TBC1D9: variants seen among roughly 807,000 people sequenced by gnomAD.
TBC1D9 encodes the protein TBC1 domain family member 9A.
TBC1D9 carries 63 observed loss-of-function variants against 132.0 expected under a neutral mutation model. The observed-to-expected ratio is 0.48, with a 90% confidence interval of 0.39 to 0.59. The LOEUF (loss-of-function observed/expected upper bound fraction) is 0.59, where lower values mean the gene tolerates loss of function less well. Among genes scored for constraint, TBC1D9 ranks in the 20% least tolerant of loss-of-function variants. The pLI is 0.00. For missense variants in TBC1D9, 1,261 were observed against 1,592.7 expected (o/e 0.79, Z 3.54); for synonymous variants, 610 against 609.9 (o/e 1.00, Z 0.00).
chr4:140,747,621 G>C (rs1738858552), intron 1 of TBC1D9, among the ~76,000 whole-genome samples: 1 of 152,156 alleles, frequency 6.6e-6, no homozygotes, highest in African/African-American at 2.4e-5. Flanking sequence ...CAGGCTCCAA[G>C]GGGGAGAGCT....
At chr4:140,726,177 TA>T (rs1403320252) in intron 1 of TBC1D9, among the ~76,000 whole-genome samples, 1 of 151,914 alleles carries the variant, frequency 6.6e-6, no homozygotes, top group Admixed American at 6.6e-5. Context: ...TAATCCCAGC[TA>T]CTTGGGAAGC....
chr4:140,748,159 G>A (rs1738865970), intron 1 of TBC1D9, among the ~76,000 whole-genome samples: 1 of 151,956 alleles, frequency 6.6e-6, no homozygotes, highest in Admixed American at 6.6e-5. Context: ...GCTCAAAAGA[G>A]ACAAAAAATA....
At chr4:140,711,121 C>G (rs1738236785) in intron 1 of TBC1D9, among the ~76,000 whole-genome samples, 1 of 152,200 alleles carries the variant, frequency 6.6e-6, no homozygotes. Flanking sequence ...CTTGTGTGAT[C>G]TAATTCCTCA....
intron 1 of TBC1D9, among the ~76,000 whole-genome samples, chr4:140,720,059 A>G (rs1255636190): frequency 6.6e-6 from 1 of 152,228 alleles, no homozygotes; most frequent in African/African-American, 2.4e-5. Flanking sequence ...GAAATATTGC[A>G]CATGAACCAA....
At chr4:140,661,564 T>A (rs1737361829) in intron 10 of TBC1D9, among the ~76,000 whole-genome samples, 1 of 152,180 alleles carries the variant, frequency 6.6e-6, no homozygotes. Flanking sequence ...CAGGAAGGTC[T>A]CCTCCATTCA....
At chr4:140,686,591 G>T in intron 2 of TBC1D9, 129 bp from the exon 3 acceptor site, 1 of 601,686 alleles carries the variant, frequency 1.7e-6, no homozygotes. Flanking sequence ...GCCTTTAAAT[G>T]CTTTCTCTCC....
intron 7 of TBC1D9, among the ~76,000 whole-genome samples, chr4:140,670,160 G>A (rs551556325): frequency 1.4e-4 from 21 of 152,226 alleles, no homozygotes; most frequent in East Asian, 3.9e-4. Flanking sequence ...AGTTTCTGGC[G>A]CCTCAAAAAT....
At chr4:140,645,204 C>G in intron 13 of TBC1D9, 1 of 543,428 alleles carries the variant, frequency 1.8e-6, no homozygotes, top group Non-Finnish European at 3.7e-6. Context: ...CAGCCAGGCC[C>G]CCAGCAGCCA....
intron 2 of TBC1D9, among the ~76,000 whole-genome samples, chr4:140,692,606 T>C (rs889354460): frequency 1.1e-4 from 16 of 152,188 alleles, no homozygotes; most frequent in African/African-American, 3.9e-4. Flanking sequence ...AATGAAAATA[T>C]ACTTTTTCAA....
rs974136442 is a variant in TBC1D9 at position 140,621,256 on chromosome 4, A to G, written c.*939T>C. 1 of 152,624 alleles carries G rather than the reference A, an allele frequency of 6.6e-6. No homozygotes were observed. Among genetic ancestry groups the G allele is most frequent in the Admixed American group, 6.5e-5 (1 of 15,284 alleles). The allele number at this position is 152,624 out of a possible 1,614,324, so 9.5% of individuals were successfully genotyped here. A position where few individuals can be genotyped will look rare whatever the true frequency, so the allele number is the denominator to read the frequency against. On this transcript the variant is annotated 3_prime_UTR_variant, in exon 21 of 21. Coordinates refer to ENST00000442267, the MANE Select transcript of TBC1D9 (RefSeq NM_015130.3). ...TGGTCATATGCGATATGTGGTATAA[A>G]TTTCTTCAATCTATGGAGAATACGG...
chr4:140,695,412 G>A (rs1442050717), intron 2 of TBC1D9, among the ~76,000 whole-genome samples: 6 of 152,112 alleles, frequency 3.9e-5, no homozygotes, highest in Non-Finnish European at 7.4e-5. Context: ...TCAATACACA[G>A]CCAAATCAAG....
chr4:140,622,403 G>A lies in TBC1D9; in HGVS notation c.3593C>T (p.Ala1198Val), dbSNP rs1274437185. ...VLVRSGQGTA[A>V]LPRSTSLDRD... ...GTCCAGGCTGGTGCTCCGGGGCAGTGCCGCCGTGCCCTGGCCGCTCCGCAC... is the reference window on the plus strand; with the variant it reads ...GTCCAGGCTGGTGCTCCGGGGCAGTACCGCCGTGCCCTGGCCGCTCCGCAC... The change falls in exon 21 of 21, where the codon GCA (alanine) becomes GTA (valine). Residue 1198 changes from alanine (A) to valine (V), a missense_variant. Physicochemically the swap from Ala to Val is moderately conservative, Grantham distance 64 (BLOSUM62 0). This residue lies in a region of TBC1D9 where 618 missense variants were observed against 724.4 expected (regional missense o/e 0.85). Coordinates refer to ENST00000442267, the MANE Select transcript of TBC1D9 (RefSeq NM_015130.3). The A allele has an allele frequency of 6.2e-7, 1 of 1,612,910 alleles. No individual in the cohort carries two copies. The highest frequency in any genetic ancestry group is 8.5e-7 in the Non-Finnish European group (1 of 1,179,104).
At chr4:140,664,987 A>G (rs1012158106) in intron 9 of TBC1D9, among the ~76,000 whole-genome samples, 1 of 152,104 alleles carries the variant, frequency 6.6e-6, no homozygotes. Context: ...CACACCTGTA[A>G]TCCCAGCTAC....
intron 20 of TBC1D9, among the ~76,000 whole-genome samples, chr4:140,623,492 C>T (rs184155860): frequency 2.6e-5 from 4 of 152,276 alleles, no homozygotes; most frequent in African/African-American, 7.2e-5. Flanking sequence ...GGCTCAGTAA[C>T]TTTTTTCTTG....
chr4:140,644,564 AG>A, intron 13 of TBC1D9: 1 of 310,670 alleles, frequency 3.2e-6, no homozygotes. Flanking sequence ...CCCGGCCCCC[AG>A]GCCCCAGTTG....
At chr4:140,642,051 T>C (rs1220107810) in intron 13 of TBC1D9, 1 of 678,534 alleles carries the variant, frequency 1.5e-6, no homozygotes, top group African/African-American at 1.8e-5. Flanking sequence ...TGCTGGTGGC[T>C]GGCTTAGGTT....
chr4:140,703,237 C>G (rs1738098897), intron 1 of TBC1D9, among the ~76,000 whole-genome samples: 1 of 152,210 alleles, frequency 6.6e-6, no homozygotes, highest in African/African-American at 2.4e-5. Flanking sequence ...TGCCATATTG[C>G]AGGCTTTTCC....
At chr4:140,684,850 G>A (rs1312203340) in intron 3 of TBC1D9, among the ~76,000 whole-genome samples, 1 of 142,318 alleles carries the variant, frequency 7.0e-6, no homozygotes, top group African/African-American at 2.4e-5. Flanking sequence ...ATAAATAAAG[G>A]AGACTATGAC....
chr4:140,652,826 A>C (rs1737207715), intron 13 of TBC1D9, among the ~76,000 whole-genome samples: 1 of 152,226 alleles, frequency 6.6e-6, no homozygotes, highest in Admixed American at 6.5e-5. Context: ...ATAAATGCCT[A>C]TCCATCTTCA....
Sources: allele counts gnomAD v4.1 joint callset (sites outside exome capture counted in the v4.1 genomes callset), GRCh38; gene constraint gnomAD v4.1.1; regional missense constraint gnomAD v4.1.1; transcripts MANE v1.5; gene names NCBI Gene and HGNC (gene_info 2026-07-23, HGNC 2026-07-21).